INSC: variants seen among roughly 807,000 people sequenced by gnomAD.
The protein encoded by INSC is protein inscuteable homolog.
A neutral mutation model predicts 58.6 loss-of-function variants in INSC; 67 were observed. That is an observed-to-expected ratio of 1.14 (90% CI 0.94 to 1.40). INSC has a LOEUF of 1.40. Ranked by LOEUF, INSC falls within the 40% of genes most tolerant of loss-of-function variation. The probability of loss-of-function intolerance (pLI) is 0.00; values close to 1 mark genes in which losing one functional copy is unlikely to be tolerated. For synonymous variants in INSC, 262 were observed against 276.1 expected (o/e 0.95, Z 0.51); for missense variants, 714 against 692.0 (o/e 1.03, Z -0.36).
At chr11:15,207,090 T>G (rs1850831917) in intron 7 of INSC, among the ~76,000 whole-genome samples, 2 of 152,034 alleles carry the variant, frequency 1.3e-5, no homozygotes, top group African/African-American at 2.4e-5. Context: ...TGGAGGGGGC[T>G]GGAGACTAGA....
intron 1 of INSC, among the ~76,000 whole-genome samples, chr11:15,126,244 G>T (rs1218984239): frequency 6.6e-6 from 1 of 151,978 alleles, no homozygotes; most frequent in Admixed American, 6.5e-5. Context: ...GAACCTGCTT[G>T]GCCTTTAGGC....
the INSC span, among the ~76,000 whole-genome samples, chr11:15,254,916 T>C: frequency 6.6e-6 from 1 of 152,216 alleles, no homozygotes; most frequent in African/African-American, 2.4e-5. Context: ...ATCCAAGAAA[T>C]AACACGTACT....
chr11:15,124,309 C>A (rs1481673257), intron 1 of INSC, among the ~76,000 whole-genome samples: 3 of 152,118 alleles, frequency 2.0e-5, no homozygotes, highest in Non-Finnish European at 2.9e-5. Flanking sequence ...AGGGTGTCAG[C>A]AGGAAGAATG....
At chr11:15,241,605 C>T in intron 12 of INSC, 1 of 703,000 alleles carries the variant, frequency 1.4e-6, no homozygotes, top group South Asian at 1.5e-5. Flanking sequence ...AGACAAACAT[C>T]TCTGCCCTCC....
intron 10 of INSC, 150 bp from the exon 11 acceptor site, chr11:15,238,769 A>G: frequency 1.4e-6 from 1 of 696,272 alleles, no homozygotes; most frequent in Admixed American, 3.1e-5. Context: ...GCATGGAGGA[A>G]CAGCCTTGTC....
At chr11:15,151,851 T>C (rs1210043333) in intron 2 of INSC, among the ~76,000 whole-genome samples, 2 of 152,102 alleles carry the variant, frequency 1.3e-5, no homozygotes, top group Non-Finnish European at 2.9e-5. Context: ...TCCCCTTCCT[T>C]CCCCACTTCC....
chr11:15,241,450 G>A lies in INSC; in HGVS notation c.1470+927G>A. On this transcript the variant is annotated intron_variant, in intron 12 of 12. Transcript: ENST00000379556. The stretch of plus-strand genomic sequence containing the variant: ...AACAGTGGGGCATTGCAGTCAATCA[G>A]ACCTGTCTTGGTTGTACCATTAATG... The A allele has an allele frequency of 8.4e-6, 5 of 593,812 alleles. No individual in the cohort carries two copies. The South Asian group carries it at 1.0e-4, about 12-fold the overall frequency. 36.8% of individuals were successfully genotyped at this position (593,812 alleles called of 1,614,324 possible). A position where few individuals can be genotyped will look rare whatever the true frequency, so the allele number is the denominator to read the frequency against.
At chr11:15,224,944 G>A (rs924092643) in intron 8 of INSC, among the ~76,000 whole-genome samples, 1 of 152,182 alleles carries the variant, frequency 6.6e-6, no homozygotes, top group African/African-American at 2.4e-5. Flanking sequence ...AAGCACTGAG[G>A]CTCTGTTGAT....
the INSC span, among the ~76,000 whole-genome samples, chr11:15,255,965 T>A: frequency 6.6e-6 from 1 of 152,222 alleles, no homozygotes; most frequent in Admixed American, 6.5e-5. Flanking sequence ...CTCCACGGTC[T>A]CTTTCTTTTC....
chr11:15,175,584 G>A (rs1676244577), intron 2 of INSC, among the ~76,000 whole-genome samples, 157 bp from the exon 3 acceptor site: 1 of 152,220 alleles, frequency 6.6e-6, no homozygotes, highest in Non-Finnish European at 1.5e-5. Context: ...ATAAGATGAA[G>A]AGAATGAGAA....
chr11:15,138,755 C>T (rs1334808751), intron 1 of INSC, among the ~76,000 whole-genome samples: 1 of 152,156 alleles, frequency 6.6e-6, no homozygotes, highest in Non-Finnish European at 1.5e-5. Flanking sequence ...TCTGAAATAT[C>T]ATGCAGGCTA....
chr11:15,228,663 A>T (rs572654079), intron 9 of INSC, among the ~76,000 whole-genome samples: 1 of 152,338 alleles, frequency 6.6e-6, no homozygotes, highest in East Asian at 1.9e-4. Flanking sequence ...TAAATGCCCC[A>T]TGAGGCTTCC....
chr11:15,134,256 T>C (rs1848190064), intron 1 of INSC, among the ~76,000 whole-genome samples: 1 of 152,172 alleles, frequency 6.6e-6, no homozygotes, highest in Non-Finnish European at 1.5e-5. Context: ...TGTTACTTCA[T>C]GAAAAAGAAA....
At chr11:15,192,126 A>G (rs1850201145) in intron 6 of INSC, among the ~76,000 whole-genome samples, 1 of 152,224 alleles carries the variant, frequency 6.6e-6, no homozygotes, top group Non-Finnish European at 1.5e-5. Context: ...TCTCCTTTTA[A>G]GCCTTCATAT....
At chr11:15,200,080 C>T (rs761968448) in intron 6 of INSC, among the ~76,000 whole-genome samples, 1 of 151,868 alleles carries the variant, frequency 6.6e-6, no homozygotes, top group African/African-American at 2.4e-5. Context: ...TTTCCATAAA[C>T]AGCTCTCACA....
chr11:15,269,591 G>A, the INSC span, among the ~76,000 whole-genome samples: 2 of 151,816 alleles, frequency 1.3e-5, no homozygotes, highest in South Asian at 4.2e-4. Flanking sequence ...TGGCAGTGGT[G>A]AGGAGGAACA....
chr11:15,139,505 C>T (rs1564864825), intron 1 of INSC, among the ~76,000 whole-genome samples: 1 of 152,190 alleles, frequency 6.6e-6, no homozygotes, highest in East Asian at 1.9e-4. Flanking sequence ...GAGGAGGCAA[C>T]AGGATAGCTT....
chr11:15,160,644 C>G (rs1193061898), intron 2 of INSC, among the ~76,000 whole-genome samples: 3 of 152,224 alleles, frequency 2.0e-5, no homozygotes, highest in South Asian at 4.1e-4. Context: ...AATGTCTTCT[C>G]TCAATCAGAG....
intron 1 of INSC, among the ~76,000 whole-genome samples, chr11:15,142,789 C>A (rs1288150556): frequency 1.3e-5 from 2 of 151,896 alleles, no homozygotes; most frequent in Admixed American, 1.3e-4. Flanking sequence ...GGATGCAGAG[C>A]ACTTTCTTTT....
Sources: gnomAD v4.1 joint callset for allele counts (sites outside exome capture counted in the v4.1 genomes callset) on GRCh38, gnomAD v4.1.1 for gene constraint, MANE v1.5 for transcripts, NCBI Gene and HGNC (gene_info 2026-07-23, HGNC 2026-07-21) for gene names.